The following CDC42EP4 variants were observed in gnomAD, a reference collection of about 807,000 sequenced individuals.
The protein encoded by CDC42EP4 is CDC42 effector protein (Rho GTPase binding) 4.
In CDC42EP4, 6 loss-of-function variants were observed where a neutral mutation model predicts 5.6. The observed-to-expected ratio is 1.07, with a 90% CI of 0.59 to 2.12. The LOEUF is 2.12. Among genes scored for constraint, CDC42EP4 ranks in the 30% most tolerant of loss-of-function variants. The pLI, the probability that CDC42EP4 is intolerant of heterozygous loss-of-function variation, is 0.00. For synonymous variants in CDC42EP4, 230 were observed against 224.2 expected, an observed-to-expected ratio of 1.03 and a Z score of -0.23; for missense variants, 490 against 508.6, an observed-to-expected ratio of 0.96 and a Z score of 0.35.
At chr17:73,292,166 A>G (rs1347583398) in intron 1 of CDC42EP4, among the ~76,000 whole-genome samples, 1 of 152,246 alleles carries the variant, frequency 6.6e-6, no homozygotes, top group Non-Finnish European at 1.5e-5. Context: ...CCCGGTATAC[A>G]GGGTACACAA....
At chr17:73,289,969 AAGGG>A (rs1175104343) in intron 1 of CDC42EP4, among the ~76,000 whole-genome samples, 2 of 152,180 alleles carry the variant, frequency 1.3e-5, no homozygotes, top group African/African-American at 4.8e-5. Flanking sequence ...TTGGGCATAG[AAGGG>A]AAAAAGGCCA....
At chr17:73,300,466 T>A (rs1171474400) in intron 1 of CDC42EP4, among the ~76,000 whole-genome samples, 2 of 152,178 alleles carry the variant, frequency 1.3e-5, no homozygotes, top group Non-Finnish European at 2.9e-5. Context: ...TCCCAGCTAC[T>A]TCCACTTTAT....
rs79452902 is a variant in CDC42EP4, at chr17:73,286,593, G to A, written c.-93C>T. ...CCAAGTCCAGTGGGCAGAGGGGGAC[G>A]CAATGAGGAGATCATAAGGCTGCAA... is the stretch of plus-strand genomic sequence containing the variant. On this transcript the variant is annotated 5_prime_UTR_variant, in exon 2 of 2. Coordinates refer to ENST00000335793, the MANE Select transcript of CDC42EP4 (RefSeq NM_012121.5). The surrounding 1 kb of genome is among the most constrained non-coding windows in gnomAD (Gnocchi z 7.7). 6.2e-3 allele frequency: 5,232 copies of A among 843,874 alleles called. 184 individuals carry two copies. The African/African-American group carries it at 0.078, about 13-fold the overall frequency. The allele number at this position is 843,874 out of a possible 1,614,324, so 52.3% of individuals were successfully genotyped here. A position where few individuals can be genotyped will look rare whatever the true frequency, so the allele number is the denominator to read the frequency against.
intron 1 of CDC42EP4, chr17:73,310,839 G>C (rs888210831): frequency 2.6e-5 from 4 of 151,200 alleles, no homozygotes; most frequent in African/African-American, 9.9e-5. Flanking sequence ...CTCAGCCCCG[G>C]CTCCCGCCCA....
At position 73,283,634 on chromosome 17, in the gene CDC42EP4, C is replaced by CT. The variant is rs34121296; in HGVS notation, c.*1795dup. The CT allele has an allele frequency of 0.3, 45,301 of 150,650 alleles. 7,025 individuals carry two copies. The highest frequency in any genetic ancestry group is 0.47 in the East Asian group (2,422 of 5,102). 9.3% of individuals were successfully genotyped at this position (150,650 alleles called of 1,614,324 possible). On this transcript the variant is annotated 3_prime_UTR_variant, in exon 2 of 2. Transcript: ENST00000335793. ...GACAGACACCAGGCGTGCTTTAGGG[C>CT]TTTTTTTTTAATGTTTCCTCACTGT...
At chr17:73,288,160 T>C (rs377408135) in intron 1 of CDC42EP4, among the ~76,000 whole-genome samples, 4 of 152,236 alleles carry the variant, frequency 2.6e-5, no homozygotes, top group Middle Eastern at 3.4e-3. Context: ...CCACGGCACT[T>C]TGGGAGATGT....
At chr17:73,304,691 A>G (rs79721826) in intron 1 of CDC42EP4, among the ~76,000 whole-genome samples, 4,301 of 152,004 alleles carry the variant, frequency 0.028, 146 homozygotes, top group East Asian at 0.097. Context: ...ACAGTGCATC[A>G]TAAGTGTCCC....
intron 1 of CDC42EP4, among the ~76,000 whole-genome samples, chr17:73,300,534 G>C (rs992725974): frequency 2.0e-5 from 3 of 152,136 alleles, no homozygotes; most frequent in Non-Finnish European, 4.4e-5. Context: ...GCCACTTCTG[G>C]CTTCTGAGCA....
Position 73,285,619 on chromosome 17 carries a change from G to C in CDC42EP4, c.882C>G (p.Gly294=). The C allele has an allele frequency of 6.2e-7, 1 of 1,606,008 alleles. No individual in the cohort carries two copies. The highest frequency in any genetic ancestry group is 8.5e-7 in the Non-Finnish European group (1 of 1,176,084). Residue 294 remains glycine, a synonymous_variant, in exon 2 of 2, where the codon GGC becomes GGG. Transcript: ENST00000335793. This position sits in a 1 kb window ranked among gnomAD's most constrained non-coding sequence, Gnocchi z 6.8. ...EGWAAAAPSP[G]SARSMGSHTT... ...TGTGGCTGCCCATGCTGCGGGCTGA[G>C]CCGGGGCTGGGGGCCGCTGCTGCCC...
At chr17:73,303,549 C>T (rs2062230119) in intron 1 of CDC42EP4, among the ~76,000 whole-genome samples, 1 of 151,388 alleles carries the variant, frequency 6.6e-6, no homozygotes, top group Non-Finnish European at 1.5e-5. Context: ...GTAATGCCAG[C>T]TACTTGGGAG....
rs768765351 is a variant in CDC42EP4 at position 73,302,518 on chromosome 17, C to T, written c.-113+9375G>A. 2.6e-5 allele frequency among the ~76,000 whole-genome samples: 4 copies of T among 151,708 alleles called. No homozygotes were observed. The South Asian group carries it at 6.2e-4, about 24-fold the overall frequency. Reference sequence around the variant, plus strand: ...TTGAGACAGGGTCTCACTCTGTTAACCAGGCTCAAGTACAGTGGCACAATT... The same window carrying T: ...TTGAGACAGGGTCTCACTCTGTTAATCAGGCTCAAGTACAGTGGCACAATT... On this transcript the variant is annotated intron_variant, in intron 1 of 1. Transcript: ENST00000335793.
At chr17:73,290,999 A>C (rs1353258146) in intron 1 of CDC42EP4, among the ~76,000 whole-genome samples, 1 of 152,136 alleles carries the variant, frequency 6.6e-6, no homozygotes, top group Non-Finnish European at 1.5e-5. Flanking sequence ...CCCATTAGCC[A>C]CACCACCCAG....
chr17:73,291,850 C>T (rs545507591), intron 1 of CDC42EP4, among the ~76,000 whole-genome samples: 1 of 152,310 alleles, frequency 6.6e-6, no homozygotes, highest in East Asian at 1.9e-4. Flanking sequence ...AAGGTGGGAA[C>T]GAGGAGCCCT....
In CDC42EP4 at chr17:73,286,433, G is replaced by A. The variant is rs778127812; in HGVS notation, c.68C>T (p.Thr23Met). Reference sequence around the variant, plus strand: ...CAGCGGGGCGCTGATCATCTCGGCCGTGAGGTCCGCTCGGGAACGGCGCTT... The same window carrying A: ...CAGCGGGGCGCTGATCATCTCGGCCATGAGGTCCGCTCGGGAACGGCGCTT... ...HSKRRSRADL[T>M]AEMISAPLGD... is the part of the protein sequence containing the mutation. The change falls in exon 2 of 2, where the codon ACG (threonine) becomes ATG (methionine). Residue 23 changes from threonine (T) to methionine (M), a missense_variant. By Grantham distance (81) the Thr-to-Met change is moderately conservative (BLOSUM62 -1). Coordinates refer to ENST00000335793, the MANE Select transcript of CDC42EP4 (RefSeq NM_012121.5). The surrounding 1 kb of genome is among the most constrained non-coding windows in gnomAD (Gnocchi z 7.7). 8.1e-6 allele frequency: 13 copies of A among 1,612,876 alleles called. No individual in the cohort carries two copies. The highest frequency in any genetic ancestry group is 6.7e-5 in the East Asian group (3 of 44,850).
chr17:73,298,009 A>T (rs2062197701), intron 1 of CDC42EP4, among the ~76,000 whole-genome samples: 1 of 144,868 alleles, frequency 6.9e-6, no homozygotes, highest in South Asian at 2.2e-4. Flanking sequence ...AAAAAAAAAA[A>T]AACCCAAAGT....
intron 1 of CDC42EP4, chr17:73,307,318 G>A (rs1390473202): frequency 1.3e-5 from 2 of 152,232 alleles, no homozygotes; most frequent in Non-Finnish European, 2.9e-5. Context: ...GCAGTGCCTG[G>A]GGGAGACTCC....
chr17:73,311,762 CCGCGCCGCGGCCT>C (rs943635089), intron 1 of CDC42EP4, 118 bp downstream of exon 1: 9 of 152,322 alleles, frequency 5.9e-5, no homozygotes, highest in African/African-American at 2.2e-4. Flanking sequence ...GCCCTTCTCC[CCGCGCCGCGGCCT>C]CGCATCCCCA....
chr17:73,291,129 C>T (rs752583075), intron 1 of CDC42EP4, among the ~76,000 whole-genome samples: 48 of 152,182 alleles, frequency 3.2e-4, no homozygotes, highest in Non-Finnish European at 1.9e-4. Flanking sequence ...AACCCCACAC[C>T]CCAGAAAGAC....
chr17:73,294,357 A>G (rs2062175055), intron 1 of CDC42EP4, among the ~76,000 whole-genome samples: 1 of 151,294 alleles, frequency 6.6e-6, no homozygotes, highest in East Asian at 1.9e-4. Context: ...GTCTCAAAAA[A>G]AAACAAACAA....
Sources: allele counts gnomAD v4.1 joint callset (sites outside exome capture counted in the v4.1 genomes callset), GRCh38; gene constraint gnomAD v4.1.1; non-coding constraint Gnocchi (gnomAD v3.1); transcripts MANE v1.5; gene names NCBI Gene and HGNC (gene_info 2026-07-23, HGNC 2026-07-21).